The following TBCD variants were observed in gnomAD, a reference collection of about 807,000 sequenced individuals.
TBCD encodes tubulin folding cofactor D, also known as tubulin-specific chaperone D.
TBCD carries 105 observed loss-of-function variants against 169.3 expected under a neutral mutation model. The observed-to-expected ratio is 0.62, with a 90% CI of 0.53 to 0.73. The LOEUF (loss-of-function observed/expected upper bound fraction) is 0.73, where lower values mean the gene tolerates loss of function less well. TBCD is among the 30% of genes least tolerant of loss of function. The pLI is 0.00. For synonymous variants in TBCD, 700 were observed against 643.9 expected (o/e 1.09, Z -1.32); for missense variants, 1,444 against 1,600.1 (o/e 0.90, Z 1.66).
intron 13 of TBCD, chr17:82,838,777 A>C (rs1205349089): frequency 1.0e-6 from 1 of 985,312 alleles, no homozygotes. Flanking sequence ...ATCCAGAAAA[A>C]CAACCAGGGG....
intron 13 of TBCD, among the ~76,000 whole-genome samples, chr17:82,868,686 C>G (rs1037489756): frequency 5.3e-5 from 8 of 152,188 alleles, no homozygotes; most frequent in African/African-American, 1.9e-4. Flanking sequence ...GGGAAATTTG[C>G]ATATAATATT....
rs35283702 is a variant in TBCD at position 82,831,626 on chromosome 17, C to T, written c.1318+16692C>T. 11,057 of 1,614,036 alleles carry T rather than the reference C, an allele frequency of 6.9e-3. 61 individuals are homozygous for T. Among genetic ancestry groups the T allele is most frequent in the Non-Finnish European group, 8.6e-3 (10,102 of 1,180,000 alleles). On this transcript the variant is annotated intron_variant, in intron 13 of 38. Coordinates refer to ENST00000355528, the MANE Select transcript of TBCD (RefSeq NM_005993.5). The surrounding 1 kb of genome is among the most constrained non-coding windows in gnomAD (Gnocchi z 4.6). ...AGGAAGTGTCTCGGGTCTTGGGTTC[C>T]GTAGACTGACAGCAGGGGTGCGTCA... is the stretch of plus-strand genomic sequence containing the variant.
At chr17:82,772,343 GA>G in intron 5 of TBCD, 108 bp from the exon 6 acceptor site, 2 of 1,146,746 alleles carry the variant, frequency 1.7e-6, no homozygotes, top group Non-Finnish European at 2.6e-6. Context: ...TAAGGTTTGT[GA>G]ACCTGGGCCC....
intron 13 of TBCD, among the ~76,000 whole-genome samples, chr17:82,844,902 C>T (rs1453480200): frequency 6.6e-6 from 1 of 152,180 alleles, no homozygotes; most frequent in Non-Finnish European, 1.5e-5. Context: ...AAGCACCACG[C>T]ACCTGGCCTG....
At chr17:82,752,634 G>C (rs1056032673) in intron 1 of TBCD, among the ~76,000 whole-genome samples, 77 of 152,256 alleles carry the variant, frequency 5.1e-4, no homozygotes, top group African/African-American at 1.8e-3. Flanking sequence ...GCTCTCGCAC[G>C]GGGTGAAGCC....
intron 13 of TBCD, among the ~76,000 whole-genome samples, chr17:82,853,582 T>C (rs1467120933): frequency 6.6e-6 from 1 of 152,092 alleles, no homozygotes; most frequent in African/African-American, 2.4e-5. Context: ...TTTTCTTTTT[T>C]TTTTTGTAGA....
rs1371631316 is a variant in TBCD, at chr17:82,915,372, C to A, written c.2038+3583C>A. Reference sequence around the variant, plus strand: ...GTCCCCATATCAAAGAAATGTCATACAGGTTGGCCTTTGTCGTGAATATTC... The same window carrying A: ...GTCCCCATATCAAAGAAATGTCATAAAGGTTGGCCTTTGTCGTGAATATTC... On this transcript the variant is annotated intron_variant, in intron 23 of 38. Coordinates refer to ENST00000355528, the MANE Select transcript of TBCD (RefSeq NM_005993.5). This position sits in a 1 kb window ranked among gnomAD's most constrained non-coding sequence, Gnocchi z 4.3. Among the ~76,000 whole-genome samples the A allele has an allele frequency of 6.6e-6, 1 of 152,170 alleles. No individual in the cohort carries two copies. The highest frequency in any genetic ancestry group is 1.9e-4 in the East Asian group (1 of 5,194).
chr17:82,780,101 C>T (rs2048846248), intron 6 of TBCD, among the ~76,000 whole-genome samples: 1 of 152,220 alleles, frequency 6.6e-6, no homozygotes, highest in African/African-American at 2.4e-5. Flanking sequence ...CCCAGCACCT[C>T]TCCCACTCGG....
At chr17:82,762,729 A>G (rs1216051336) in intron 2 of TBCD, among the ~76,000 whole-genome samples, 1 of 151,982 alleles carries the variant, frequency 6.6e-6, no homozygotes, top group Non-Finnish European at 1.5e-5. Context: ...AGCCTGGGTC[A>G]CAGAGTGAGA....
At chr17:82,760,388 C>G (rs76316429) in intron 2 of TBCD, among the ~76,000 whole-genome samples, 1 of 152,144 alleles carries the variant, frequency 6.6e-6, no homozygotes, top group Non-Finnish European at 1.5e-5. Flanking sequence ...TATTATGTCT[C>G]TAATTATTCA....
intron 13 of TBCD, among the ~76,000 whole-genome samples, chr17:82,824,675 TCA>T (rs2052689721): frequency 6.6e-6 from 1 of 152,230 alleles, no homozygotes; most frequent in Non-Finnish European, 1.5e-5. Flanking sequence ...CTTGATCCAT[TCA>T]TTTGTCAGTG....
intron 7 of TBCD, among the ~76,000 whole-genome samples, chr17:82,784,806 G>C (rs1027453112): frequency 6.6e-6 from 1 of 152,198 alleles, no homozygotes; most frequent in Admixed American, 6.5e-5. Context: ...TATGACATGC[G>C]TGTGGAAGAC....
rs78784150 is a variant in TBCD, at chr17:82,841,467, T to G, written c.1318+26533T>G. 7.5e-3 allele frequency among the ~76,000 whole-genome samples: 1,143 copies of G among 152,154 alleles called. 10 individuals carry two copies. The highest frequency in any genetic ancestry group is 0.026 in the African/African-American group (1,090 of 41,496). ...CCAGTAGCTGGGACTACAGGCACGG[T>G]CACTATGCCTGGAGAATTTTTTGTA... On this transcript the variant is annotated intron_variant, in intron 13 of 38. Coordinates refer to ENST00000355528, the MANE Select transcript of TBCD (RefSeq NM_005993.5).
At chr17:82,883,956 G>T (rs1223149032) in intron 14 of TBCD, among the ~76,000 whole-genome samples, 189 bp from the exon 15 acceptor site, 2 of 152,096 alleles carry the variant, frequency 1.3e-5, no homozygotes, top group Non-Finnish European at 2.9e-5. Context: ...CCCACATGGC[G>T]TCTGGTGTCT....
At chr17:82,861,142 C>T (rs2056724562) in intron 13 of TBCD, among the ~76,000 whole-genome samples, 1 of 152,094 alleles carries the variant, frequency 6.6e-6, no homozygotes, top group African/African-American at 2.4e-5. Context: ...GGGTCAGCTG[C>T]ACGGATGCAC....
chr17:82,758,400 A>AAATAAAAAAAT (rs1555672643), intron 2 of TBCD, among the ~76,000 whole-genome samples: 1 of 100,032 alleles, frequency 1.0e-5, no homozygotes, highest in Admixed American at 1.4e-4. Flanking sequence ...AAAAAAAAAA[A>AAATAAAAAAAT]AAATAAATAA....
At chr17:82,925,806 C>T (rs1037649026) in intron 27 of TBCD, among the ~76,000 whole-genome samples, 3 of 152,198 alleles carry the variant, frequency 2.0e-5, no homozygotes, top group Non-Finnish European at 2.9e-5. Flanking sequence ...GACCCAGCAG[C>T]TTCCTTTGTC....
At position 82,797,962 on chromosome 17, in the gene TBCD, C is replaced by CTTTTTTTTTTTTTTT. The variant is rs60671571; in HGVS notation, c.817+178_817+192dup. Among the ~76,000 whole-genome samples, 13 of 49,042 alleles carry CTTTTTTTTTTTTTTT rather than the reference C, an allele frequency of 2.7e-4. 2 individuals are homozygous for CTTTTTTTTTTTTTTT. The highest frequency in any genetic ancestry group is 3.7e-4 in the Non-Finnish European group (10 of 27,258). 32.2% of individuals were successfully genotyped at this position (49,042 alleles called of 152,430 possible). A position where few individuals can be genotyped will look rare whatever the true frequency, so the allele number is the denominator to read the frequency against. On this transcript the variant is annotated intron_variant, in intron 8 of 38. Transcript: ENST00000355528. ...TTTGTTGTGGGTTTTAGTAACTGAACTTTTTTTTTTTTTTTTTTTTTTTTT... is the reference window on the plus strand; with the variant it reads ...TTTGTTGTGGGTTTTAGTAACTGAACTTTTTTTTTTTTTTTTTTTTTTTTTTTTTTTTTTTTTTTT...
At chr17:82,939,044 A>G in intron 36 of TBCD, 1 of 372,908 alleles carries the variant, frequency 2.7e-6, no homozygotes. Flanking sequence ...GTGAGGGAGC[A>G]GGTTAGTTAA....
Sources: allele counts gnomAD v4.1 joint callset (sites outside exome capture counted in the v4.1 genomes callset), GRCh38; gene constraint gnomAD v4.1.1; non-coding constraint Gnocchi (gnomAD v3.1); transcripts MANE v1.5; gene names NCBI Gene and HGNC (gene_info 2026-07-23, HGNC 2026-07-21).